COBL: variants seen among roughly 807,000 people sequenced by gnomAD.
The protein encoded by COBL is cordon-bleu WH2 repeat protein, also known as protein cordon-bleu.
A neutral mutation model predicts 98.8 loss-of-function variants in COBL; 51 were observed. The observed-to-expected ratio is 0.52, with a 90% CI of 0.41 to 0.65. The LOEUF (loss-of-function observed/expected upper bound fraction) is 0.65. Among genes scored for constraint, COBL ranks in the 30% least tolerant of loss-of-function variants. The probability of loss-of-function intolerance (pLI) is 0.00; values close to 1 mark genes in which losing one functional copy is unlikely to be tolerated. For synonymous variants in COBL, 634 were observed against 651.7 expected (o/e 0.97, Z 0.41); for missense variants, 1,617 against 1,617.5 (o/e 1.00, Z 0.01).
intron 1 of COBL, among the ~76,000 whole-genome samples, chr7:51,233,584 C>T (rs547277184): frequency 2.0e-5 from 3 of 152,294 alleles, no homozygotes; most frequent in South Asian, 2.1e-4. Flanking sequence ...TGATAAGCCC[C>T]GTCCATTTCT....
intron 1 of COBL, among the ~76,000 whole-genome samples, chr7:51,242,534 CCAG>C (rs1795887794): frequency 6.6e-6 from 1 of 152,144 alleles, no homozygotes. Context: ...AAAAAAGGTG[CCAG>C]AAAGTTCCAG....
chr7:51,164,596 T>TA (rs1283206571), intron 5 of COBL, among the ~76,000 whole-genome samples: 2 of 152,056 alleles, frequency 1.3e-5, no homozygotes, highest in Admixed American at 6.5e-5. Context: ...AAATCTGACC[T>TA]ACAAGAAATG....
chr7:51,026,661 G>A lies in COBL; in HGVS notation c.3389C>T (p.Ala1130Val), dbSNP rs1298322253. 6.2e-7 allele frequency: 1 copy of A among 1,613,578 alleles called. No homozygotes were observed. The highest frequency in any genetic ancestry group is 8.5e-7 in the Non-Finnish European group (1 of 1,179,874). The change falls in exon 11 of 13, where the codon GCA (alanine) becomes GTA (valine). Residue 1130 changes from alanine to valine, a missense_variant. Around this residue, in one of 3 missense-constraint regions of COBL, gnomAD observed 1,304 missense variants for 1,282.0 expected, o/e 1.02. Transcript: ENST00000265136. Reference protein sequence around the residue: ...AGGKDRLRKTAEHTGEGRPAK... With the variant: ...AGGKDRLRKTVEHTGEGRPAK... The stretch of plus-strand genomic sequence containing the variant: ...TGGCCTGCCCTCCCCGGTGTGTTCT[G>A]CCGTCTAGAATATTAACAGTGTCAC...
chr7:51,252,098 A>G (rs1193002437), intron 1 of COBL, among the ~76,000 whole-genome samples: 1 of 152,096 alleles, frequency 6.6e-6, no homozygotes, highest in Non-Finnish European at 1.5e-5. Context: ...CCAGGATACA[A>G]TCAAGGTTCG....
chr7:51,080,763 C>T (rs1793571473), intron 7 of COBL, among the ~76,000 whole-genome samples: 2 of 152,116 alleles, frequency 1.3e-5, no homozygotes, highest in Admixed American at 6.5e-5. Flanking sequence ...CAAAAATAGC[C>T]GGAAGTTTGC....
chr7:51,208,282 C>G (rs1164901207), intron 2 of COBL, among the ~76,000 whole-genome samples: 1 of 152,064 alleles, frequency 6.6e-6, no homozygotes, highest in South Asian at 2.1e-4. Context: ...GGCAGCCACC[C>G]CGTCTGGGAA....
rs1308839229 is a variant in COBL, at chr7:51,026,900, GA to G, written c.3385-236del. On this transcript the variant is annotated intron_variant, in intron 10 of 12. Coordinates refer to ENST00000265136, the MANE Select transcript of COBL (RefSeq NM_015198.5). ...GCCACAGAGTGAGTCTCCGTCTCAG[GA>G]AAAAAAAAGAAAGAAAATCCACTCA... 8.6e-5 allele frequency among the ~76,000 whole-genome samples: 13 copies of G among 150,716 alleles called. 1 individual carries two copies. In the South Asian group the frequency reaches 2.7e-3, roughly 32 times the overall value.
intron 1 of COBL, among the ~76,000 whole-genome samples, chr7:51,275,364 T>C (rs980459927): frequency 2.0e-5 from 3 of 152,166 alleles, no homozygotes; most frequent in Non-Finnish European, 4.4e-5. Flanking sequence ...CTGTGCGAAA[T>C]TGAAGAAAGT....
chr7:51,169,794 T>C (rs1387924988), intron 5 of COBL, among the ~76,000 whole-genome samples: 1 of 152,196 alleles, frequency 6.6e-6, no homozygotes, highest in Non-Finnish European at 1.5e-5. Flanking sequence ...AGGGTGTCTA[T>C]AGTCAATAAT....
chr7:51,230,002 T>C (rs138491802), intron 1 of COBL, among the ~76,000 whole-genome samples: 7 of 152,282 alleles, frequency 4.6e-5, no homozygotes, highest in South Asian at 2.1e-4. Context: ...GCCTTATCTG[T>C]GCAGGCTGCA....
intron 5 of COBL, among the ~76,000 whole-genome samples, chr7:51,151,923 G>GC (rs1392626533): frequency 6.6e-6 from 1 of 152,188 alleles, no homozygotes; most frequent in African/African-American, 2.4e-5. Flanking sequence ...ACCCTCAGCC[G>GC]CCTGTGGCCA....
chr7:51,110,938 C>T (rs565692455), intron 6 of COBL, among the ~76,000 whole-genome samples: 5 of 152,310 alleles, frequency 3.3e-5, no homozygotes, highest in East Asian at 1.9e-4. Flanking sequence ...ACTCATTGAT[C>T]GATGGGCATT....
chr7:51,051,199 C>T (rs1454718665), intron 7 of COBL, among the ~76,000 whole-genome samples: 3 of 152,102 alleles, frequency 2.0e-5, no homozygotes, highest in South Asian at 2.1e-4. Flanking sequence ...CTGTCTTCTC[C>T]GCTTCTCTGT....
intron 1 of COBL, among the ~76,000 whole-genome samples, chr7:51,296,611 G>GAT (rs1275473467): frequency 6.6e-6 from 1 of 152,094 alleles, no homozygotes; most frequent in South Asian, 2.1e-4. Flanking sequence ...AAATCAATTT[G>GAT]ATAAATGACT....
chr7:51,257,805 G>C (rs901661427), intron 1 of COBL, among the ~76,000 whole-genome samples: 3 of 151,928 alleles, frequency 2.0e-5, no homozygotes, highest in Non-Finnish European at 2.9e-5. Context: ...AAAATAATCT[G>C]ATCTTTAAAA....
At chr7:51,292,334 A>G (rs911186291) in intron 1 of COBL, among the ~76,000 whole-genome samples, 1 of 152,172 alleles carries the variant, frequency 6.6e-6, no homozygotes, top group Non-Finnish European at 1.5e-5. Flanking sequence ...ATGACTGTTG[A>G]TTATTATATT....
intron 7 of COBL, among the ~76,000 whole-genome samples, chr7:51,061,450 G>A (rs1791351468): frequency 6.6e-6 from 1 of 152,114 alleles, no homozygotes; most frequent in East Asian, 1.9e-4. Flanking sequence ...ATTTTCGGTT[G>A]TATACAGGAC....
chr7:51,193,625 T>G (rs780735629), intron 2 of COBL, 36 bp from the exon 3 acceptor site: 1 of 1,578,840 alleles, frequency 6.3e-7, no homozygotes, highest in Admixed American at 1.7e-5. Flanking sequence ...TTATTAGGAA[T>G]GACTGCACTC....
At chr7:51,107,800 C>T (rs1477570357) in intron 6 of COBL, among the ~76,000 whole-genome samples, 1 of 152,076 alleles carries the variant, frequency 6.6e-6, no homozygotes, top group Non-Finnish European at 1.5e-5. Context: ...ATACAAGATG[C>T]CAAAGCAGCA....
Sources: allele counts gnomAD v4.1 joint callset (sites outside exome capture counted in the v4.1 genomes callset), GRCh38; gene constraint gnomAD v4.1.1; regional missense constraint gnomAD v4.1.1; transcripts MANE v1.5; gene names NCBI Gene and HGNC (gene_info 2026-07-23, HGNC 2026-07-21).